Variants in P2RY2 observed in about 807,000 individuals in gnomAD.
P2RY2 encodes P2Y purinoceptor 2.
For synonymous variants in P2RY2, 241 were observed against 231.9 expected, an observed-to-expected ratio of 1.04 and a Z score of -0.35; for missense variants, 567 against 515.7, an observed-to-expected ratio of 1.10 and a Z score of -0.96.
rs1361028143 is a variant in P2RY2 at position 73,234,554 on chromosome 11, G to C, written c.395G>C (p.Cys132Ser). 6.3e-7 allele frequency: 1 copy of C among 1,595,294 alleles called. No individual in the cohort carries two copies. Among genetic ancestry groups the C allele is most frequent in the Non-Finnish European group, 8.5e-7 (1 of 1,169,940 alleles). Residue 132 changes from cysteine (C) to serine (S), a missense_variant, in exon 3 of 3, where the codon TGT (cysteine) becomes TCT (serine). Transcript: ENST00000393597. ...CTCACCTGCATCAGCGTGCACCGGT[G>C]TCTGGGCGTCTTACGACCTCTGCGC... ...LFLTCISVHR[C>S]LGVLRPLRSL... is the part of the protein sequence containing the mutation.
At chr11:73,226,606 G>A (rs956113649) in intron 1 of P2RY2, among the ~76,000 whole-genome samples, 9 of 152,144 alleles carry the variant, frequency 5.9e-5, no homozygotes, top group African/African-American at 4.8e-5. Flanking sequence ...GGGCTCAGCT[G>A]TCGCAGGCCC....
chr11:73,231,272 G>A (rs890815516), intron 2 of P2RY2, among the ~76,000 whole-genome samples: 2 of 151,900 alleles, frequency 1.3e-5, no homozygotes, highest in African/African-American at 4.8e-5. Context: ...CTGGCCAGGC[G>A]CCATGGCCCA....
At position 73,238,653 on chromosome 11, in the gene P2RY2, G is replaced by A. The variant is rs1862710883; in HGVS notation, c.*3360G>A. 6.6e-6 allele frequency among the ~76,000 whole-genome samples: 1 copy of A among 152,208 alleles called. No homozygotes were observed. Among genetic ancestry groups the A allele is most frequent in the South Asian group, 2.1e-4 (1 of 4,830 alleles). On this transcript the variant is annotated 3_prime_UTR_variant, in exon 3 of 3. Transcript: ENST00000393597. Reference sequence around the variant, plus strand: ...GGTGGATGCTTCACAGAAGCCCTGGGAAGTAGATGCTATGATCCTATTTAG... The same window carrying A: ...GGTGGATGCTTCACAGAAGCCCTGGAAAGTAGATGCTATGATCCTATTTAG...
intron 1 of P2RY2, among the ~76,000 whole-genome samples, chr11:73,221,112 A>G (rs1862103260): frequency 6.6e-6 from 1 of 152,230 alleles, no homozygotes; most frequent in South Asian, 2.1e-4. Context: ...TGACACTTGT[A>G]GACTTAAATC....
Position 73,234,213 on chromosome 11 carries a change from G to A in P2RY2, c.54G>A (p.Gly18=), listed in dbSNP as rs747143600. 14 of 1,614,024 alleles carry A rather than the reference G, an allele frequency of 8.7e-6. No individual in the cohort carries two copies. Among genetic ancestry groups the A allele is most frequent in the Non-Finnish European group, 1.1e-5 (13 of 1,179,994 alleles). The change falls in exon 3 of 3, where the codon GGG becomes GGA. Residue 18 remains glycine, a synonymous_variant. Transcript: ENST00000393597. ...WNDTINGTWD[G]DELGYRCRFN... ...ACACCATCAATGGCACCTGGGATGG[G>A]GATGAGCTGGGCTACAGGTGCCGCT...
Position 73,234,829 on chromosome 11 carries a change from C to A in P2RY2, c.670C>A (p.Arg224=). The change falls in exon 3 of 3, where the codon CGA becomes AGA. Residue 224 remains arginine, a synonymous_variant. Transcript: ENST00000393597. ...TGTCTGTTACGTGCTCATGGCTCGG[C>A]GACTGCTAAAGCCAGCCTACGGGAC... ...ILVCYVLMAR[R]LLKPAYGTSG... 1 of 1,611,244 alleles carries A rather than the reference C, an allele frequency of 6.2e-7. No individual in the cohort carries two copies. The highest frequency in any genetic ancestry group is 8.5e-7 in the Non-Finnish European group (1 of 1,179,952).
chr11:73,232,913 C>T (rs1429191806), intron 2 of P2RY2, among the ~76,000 whole-genome samples: 1 of 152,094 alleles, frequency 6.6e-6, no homozygotes, highest in Non-Finnish European at 1.5e-5. Flanking sequence ...CCTCTACCTC[C>T]CAGCTGCGAG....
At chr11:73,226,310 G>T (rs1269329057) in intron 1 of P2RY2, among the ~76,000 whole-genome samples, 4 of 152,258 alleles carry the variant, frequency 2.6e-5, no homozygotes, top group African/African-American at 4.8e-5. Flanking sequence ...TTGAGTCAAG[G>T]CATTTTCTAA....
rs1201363779 is a variant in P2RY2, at chr11:73,237,065, G to A, written c.*1772G>A. 1 of 985,138 alleles carries A rather than the reference G, an allele frequency of 1.0e-6. No individual in the cohort carries two copies. The highest frequency in any genetic ancestry group is 1.2e-6 in the Non-Finnish European group (1 of 829,886). 61.0% of individuals were successfully genotyped at this position (985,138 alleles called of 1,614,324 possible). A position where few individuals can be genotyped will look rare whatever the true frequency, so the allele number is the denominator to read the frequency against. On this transcript the variant is annotated 3_prime_UTR_variant, in exon 3 of 3. Transcript: ENST00000393597. ...TTGTGAAAGGCAGGACATCCCCAAA[G>A]CTTGCTGTATTTGGAGCCTGACTCC...
intron 1 of P2RY2, among the ~76,000 whole-genome samples, chr11:73,227,331 C>A (rs1395138110): frequency 6.6e-6 from 1 of 151,992 alleles, no homozygotes; most frequent in African/African-American, 2.4e-5. Context: ...CCATTTTAGG[C>A]CCTGATGGTC....
intron 2 of P2RY2, among the ~76,000 whole-genome samples, chr11:73,230,097 G>A (rs575126104): frequency 6.6e-5 from 10 of 152,114 alleles, no homozygotes; most frequent in South Asian, 2.1e-4. Flanking sequence ...TGGCCTCTCC[G>A]TAGCTCCTTA....
chr11:73,228,471 C>T (rs1862351580), intron 2 of P2RY2, among the ~76,000 whole-genome samples: 1 of 152,214 alleles, frequency 6.6e-6, no homozygotes, highest in Admixed American at 6.5e-5. Context: ...TGTGTGAAAG[C>T]TGCTCAGCCC....
Position 73,235,842 on chromosome 11 carries a change from G to A in P2RY2, c.*549G>A. 1.0e-6 allele frequency: 1 copy of A among 1,000,772 alleles called. No individual in the cohort carries two copies. The highest frequency in any genetic ancestry group is 1.2e-6 in the Non-Finnish European group (1 of 830,452). The allele number at this position is 1,000,772 out of a possible 1,614,324, so 62.0% of individuals were successfully genotyped here. A position where few individuals can be genotyped will look rare whatever the true frequency, so the allele number is the denominator to read the frequency against. On this transcript the variant is annotated 3_prime_UTR_variant, in exon 3 of 3. Coordinates refer to ENST00000393597, the MANE Select transcript of P2RY2 (RefSeq NM_002564.4). ...CCCCCAGCCCAAGAGATGAACATCT[G>A]GGGACTAATATCATAGACCCATCTG...
At chr11:73,224,223 G>T (rs1447616492) in intron 1 of P2RY2, among the ~76,000 whole-genome samples, 3 of 152,172 alleles carry the variant, frequency 2.0e-5, no homozygotes, top group Non-Finnish European at 4.4e-5. Context: ...AGGACATTGG[G>T]GAGGAGCCAG....
rs1365311850 is a variant in P2RY2 at position 73,234,292 on chromosome 11, G to A, written c.133G>A (p.Val45Met). 4.3e-6 allele frequency: 7 copies of A among 1,614,068 alleles called. No individual in the cohort carries two copies. Among genetic ancestry groups the A allele is most frequent in the African/African-American group, 2.7e-5 (2 of 74,932 alleles). The change falls in exon 3 of 3, where the codon GTG becomes ATG. Residue 45 changes from valine (V) to methionine (M), a missense_variant. By Grantham distance (21) the Val-to-Met change is conservative. Coordinates refer to ENST00000393597, the MANE Select transcript of P2RY2 (RefSeq NM_002564.4). ...GCCTGTGTCCTACGGCGTGGTGTGCGTGCCTGGGCTGTGTCTGAACGCCGT... is the reference window on the plus strand; with the variant it reads ...GCCTGTGTCCTACGGCGTGGTGTGCATGCCTGGGCTGTGTCTGAACGCCGT... ...LLPVSYGVVC[V>M]PGLCLNAVAL...
At position 73,235,162 on chromosome 11, in the gene P2RY2, A is replaced by G; in HGVS notation, c.1003A>G (p.Arg335Gly). The G allele has an allele frequency of 6.2e-7, 1 of 1,608,512 alleles. No individual in the cohort carries two copies. Among genetic ancestry groups the G allele is most frequent in the Non-Finnish European group, 8.5e-7 (1 of 1,179,288 alleles). ...GPSPATPARR[R>G]LGLRRSDRTD... Reference sequence around the variant, plus strand: ...CAGCCCTGCCACCCCGGCTCGCCGCAGGCTGGGCCTGCGCAGATCCGACAG... The same window carrying G: ...CAGCCCTGCCACCCCGGCTCGCCGCGGGCTGGGCCTGCGCAGATCCGACAG... Residue 335 changes from arginine to glycine, a missense_variant, in exon 3 of 3, where the codon AGG becomes GGG. By Grantham distance (125) the Arg-to-Gly change is moderately radical. Coordinates refer to ENST00000393597, the MANE Select transcript of P2RY2 (RefSeq NM_002564.4).
intron 1 of P2RY2, among the ~76,000 whole-genome samples, chr11:73,225,665 A>C (rs867998776): frequency 1.1e-5 from 1 of 93,266 alleles, no homozygotes; most frequent in Non-Finnish European, 2.3e-5. Flanking sequence ...CCGTTTGCTA[A>C]TTCAGGATTC....
chr11:73,227,622 G>A (rs1486813876), intron 1 of P2RY2, among the ~76,000 whole-genome samples: 2 of 152,176 alleles, frequency 1.3e-5, no homozygotes, highest in Non-Finnish European at 2.9e-5. Flanking sequence ...ACTGGGCAAA[G>A]AGGGTATTGA....
chr11:73,235,495 T>C lies in P2RY2; in HGVS notation c.*202T>C. The C allele has an allele frequency of 1.5e-6, 2 of 1,313,372 alleles. No homozygotes were observed. The highest frequency in any genetic ancestry group is 2.8e-4 in the Middle Eastern group (1 of 3,512). The allele number at this position is 1,313,372 out of a possible 1,614,324, so 81.4% of individuals were successfully genotyped here. A position where few individuals can be genotyped will look rare whatever the true frequency, so the allele number is the denominator to read the frequency against. On this transcript the variant is annotated 3_prime_UTR_variant, in exon 3 of 3. Coordinates refer to ENST00000393597, the MANE Select transcript of P2RY2 (RefSeq NM_002564.4). ...TCCCATAACCCCTAGTCATCGTTTG[T>C]GTGTATAAGTTGGGGGAATTAAGTT...
Sources: gnomAD v4.1 joint callset for allele counts (sites outside exome capture counted in the v4.1 genomes callset) on GRCh38, gnomAD v4.1.1 for gene constraint, MANE v1.5 for transcripts, NCBI Gene and HGNC (gene_info 2026-07-23, HGNC 2026-07-21) for gene names.